The following UTRN variants were observed in gnomAD, a reference collection of about 807,000 sequenced individuals.
UTRN encodes the protein dystrophin-related protein 1.
UTRN carries 283 observed loss-of-function variants against 463.9 expected under a neutral mutation model. The ratio of observed to expected loss-of-function variants is 0.61; its 90% confidence interval spans 0.55 to 0.67. The LOEUF is 0.67. Ranked by LOEUF, UTRN falls within the 30% of genes least tolerant of loss-of-function variation. The probability of loss-of-function intolerance (pLI) is 0.00; values close to 1 mark genes in which losing one functional copy is unlikely to be tolerated. For missense variants in UTRN, 3,922 were observed against 4,084.3 expected (o/e 0.96, Z 1.08); for synonymous variants, 1,442 against 1,431.5 (o/e 1.01, Z -0.17).
At chr6:144,725,329 C>T (rs376006133) in intron 53 of UTRN, among the ~76,000 whole-genome samples, 1 of 152,182 alleles carries the variant, frequency 6.6e-6, no homozygotes, top group African/African-American at 2.4e-5. Flanking sequence ...GAATCTCTTT[C>T]CTTTGTAAAT....
At chr6:144,838,211 C>T (rs138901775) in intron 71 of UTRN, among the ~76,000 whole-genome samples, 39 of 152,296 alleles carry the variant, frequency 2.6e-4, no homozygotes, top group South Asian at 1.9e-3. Context: ...TCCCCTACTC[C>T]CTCCATCCCA....
chr6:144,755,290 G>A (rs1284117032), intron 57 of UTRN, among the ~76,000 whole-genome samples: 7 of 152,172 alleles, frequency 4.6e-5, no homozygotes, highest in Middle Eastern at 3.4e-3. Flanking sequence ...TCTGCTATTC[G>A]AGTATTGCGT....
At chr6:144,511,844 G>GCCA (rs1277192093) in intron 35 of UTRN, among the ~76,000 whole-genome samples, 2 of 151,852 alleles carry the variant, frequency 1.3e-5, no homozygotes, top group Non-Finnish European at 2.9e-5. Flanking sequence ...TGAATATATG[G>GCCA]CCACCCCACC....
At chr6:144,321,624 C>T (rs1459376097) in intron 2 of UTRN, among the ~76,000 whole-genome samples, 4 of 151,826 alleles carry the variant, frequency 2.6e-5, no homozygotes, top group Non-Finnish European at 4.4e-5. Context: ...TGTGTACCAC[C>T]ATGCCCGGCT....
At chr6:144,652,782 C>A (rs1005889106) in intron 51 of UTRN, among the ~76,000 whole-genome samples, 7 of 152,154 alleles carry the variant, frequency 4.6e-5, no homozygotes, top group Non-Finnish European at 2.9e-5. Context: ...TTCTGTCTGT[C>A]CCTTAGAAAA....
chr6:144,690,111 G>T (rs1319329454), intron 52 of UTRN, among the ~76,000 whole-genome samples: 83 of 95,946 alleles, frequency 8.7e-4, no homozygotes, highest in African/African-American at 1.1e-3. Context: ...GTGTGTGTGT[G>T]TGTGTGTGTG....
intron 63 of UTRN, among the ~76,000 whole-genome samples, chr6:144,795,231 A>G (rs572024488): frequency 1.3e-5 from 2 of 152,270 alleles, no homozygotes; most frequent in African/African-American, 4.8e-5. Context: ...ATAGTATTCC[A>G]TGGTGTATTT....
rs1359476528 is a variant in UTRN, at chr6:144,557,094, GT to G, written c.7135-59del. ...GTCAAAATCTGCTGGGAGTACCATTGTTTTGATTATACTAATTACTGAGTGA... is the reference window on the plus strand; with the variant it reads ...GTCAAAATCTGCTGGGAGTACCATTGTTTGATTATACTAATTACTGAGTGA... On this transcript the variant is annotated intron_variant, in intron 49 of 74. Coordinates refer to ENST00000367545, the MANE Select transcript of UTRN (RefSeq NM_007124.3). 44 of 1,552,434 alleles carry G rather than the reference GT, an allele frequency of 2.8e-5. 1 individual carries two copies. Among genetic ancestry groups the G allele is most frequent in the Admixed American group, 5.6e-5 (3 of 53,326 alleles).
intron 35 of UTRN, among the ~76,000 whole-genome samples, chr6:144,513,548 CAAAAGAA>C (rs1471134995): frequency 6.6e-6 from 1 of 150,984 alleles, no homozygotes; most frequent in Non-Finnish European, 1.5e-5. Flanking sequence ...GACTCCATCT[CAAAAGAA>C]AAAAGAAAAA....
intron 17 of UTRN, 121 bp from the exon 18 acceptor site, chr6:144,451,249 C>A: frequency 8.8e-7 from 1 of 1,134,414 alleles, no homozygotes; most frequent in Non-Finnish European, 1.2e-6. Context: ...TTCTGGGTTG[C>A]TGTTTTTGGG....
intron 19 of UTRN, among the ~76,000 whole-genome samples, chr6:144,455,120 T>C (rs112088043): frequency 5.7e-4 from 87 of 152,242 alleles, no homozygotes; most frequent in African/African-American, 1.9e-3. Flanking sequence ...TATATAGATA[T>C]ATACACATAC....
At chr6:144,446,594 C>G (rs1339083134) in intron 14 of UTRN, among the ~76,000 whole-genome samples, 2 of 152,180 alleles carry the variant, frequency 1.3e-5, no homozygotes, top group Non-Finnish European at 2.9e-5. Flanking sequence ...GACTGAATAT[C>G]CTCTGCTTAG....
chr6:144,797,250 G>A lies in UTRN; in HGVS notation c.9079-574G>A, dbSNP rs530177954. 4.6e-5 allele frequency among the ~76,000 whole-genome samples: 7 copies of A among 150,548 alleles called. No homozygotes were observed. The East Asian group carries it at 9.7e-4, about 21-fold the overall frequency. On this transcript the variant is annotated intron_variant, in intron 63 of 74. Transcript: ENST00000367545. ...GTTGCCCAGGCTGGAGTGCAGTGGC[G>A]TGATCTCGGCTCACTGCAACCTCCG...
intron 2 of UTRN, among the ~76,000 whole-genome samples, chr6:144,348,635 C>T (rs1370392744): frequency 6.6e-6 from 1 of 152,110 alleles, no homozygotes; most frequent in Non-Finnish European, 1.5e-5. Context: ...GAAAGAGCGA[C>T]ATGTGAAAGA....
chr6:144,473,793 G>A lies in UTRN; in HGVS notation c.3140G>A (p.Gly1047Glu), dbSNP rs868243023. The A allele has an allele frequency of 3.1e-6, 5 of 1,614,168 alleles. No homozygotes were observed. In the Middle Eastern group the frequency reaches 6.6e-4, roughly 213 times the overall value. The change falls in exon 24 of 75, where the codon GGA becomes GAA. Residue 1047 changes from glycine to glutamate, a missense_variant. Coordinates refer to ENST00000367545, the MANE Select transcript of UTRN (RefSeq NM_007124.3). ...TTAATGAAACAGCAGGCTGCCCAAG[G>A]AGACGACGCAGGTCTACAGAGGCAG... ...DFLMKQQAAQ[G>E]DDAGLQRQLD...
intron 28 of UTRN, among the ~76,000 whole-genome samples, chr6:144,485,968 G>T (rs756369237): frequency 6.6e-6 from 1 of 152,196 alleles, no homozygotes; most frequent in Non-Finnish European, 1.5e-5. Context: ...GGATCTTGTC[G>T]TAGGAGCTTG....
chr6:144,729,229 GT>G (rs1450365141), intron 53 of UTRN, among the ~76,000 whole-genome samples: 1 of 151,824 alleles, frequency 6.6e-6, no homozygotes, highest in Non-Finnish European at 1.5e-5. Flanking sequence ...CATTACCAGG[GT>G]TTTTTTGTGT....
chr6:144,596,788 G>A (rs1309701010), intron 51 of UTRN, among the ~76,000 whole-genome samples: 1 of 152,144 alleles, frequency 6.6e-6, no homozygotes, highest in African/African-American at 2.4e-5. Flanking sequence ...ATGATAAAAT[G>A]TCTTATAGGT....
chr6:144,735,418 G>C (rs1789267090), intron 54 of UTRN, among the ~76,000 whole-genome samples: 2 of 152,310 alleles, frequency 1.3e-5, no homozygotes, highest in South Asian at 4.1e-4. Context: ...AGCCTGGCCT[G>C]GTTGCCAGAG....
Sources: gnomAD v4.1 joint callset for allele counts (sites outside exome capture counted in the v4.1 genomes callset) on GRCh38, gnomAD v4.1.1 for gene constraint, MANE v1.5 for transcripts, NCBI Gene and HGNC (gene_info 2026-07-23, HGNC 2026-07-21) for gene names.